The following PPP1R12A variants were observed in gnomAD, a reference collection of about 807,000 sequenced individuals.
The protein encoded by PPP1R12A is protein phosphatase 1 regulatory subunit 12A, also known as myosin binding subunit.
A neutral mutation model predicts 139.6 loss-of-function variants in PPP1R12A; 19 were observed. The observed-to-expected ratio is 0.14, with a 90% CI of 0.09 to 0.20. The LOEUF (loss-of-function observed/expected upper bound fraction) is 0.20, where lower values mean the gene tolerates loss of function less well. Ranked by LOEUF, PPP1R12A falls within the 10% of genes least tolerant of loss-of-function variation. The probability of loss-of-function intolerance (pLI) is 1.00; values close to 1 mark genes in which losing one functional copy is unlikely to be tolerated. For missense variants in PPP1R12A, 925 were observed against 1,211.5 expected (o/e 0.76, Z 3.51); for synonymous variants, 427 against 420.6 (o/e 1.02, Z -0.19).
At chr12:79,874,573 T>C (rs1882919204) in intron 1 of PPP1R12A, among the ~76,000 whole-genome samples, 1 of 152,028 alleles carries the variant, frequency 6.6e-6, no homozygotes, top group South Asian at 2.1e-4. Context: ...GGTTTTAAAC[T>C]CTAAGACTAT....
intron 14 of PPP1R12A, among the ~76,000 whole-genome samples, chr12:79,800,811 G>A (rs1256197836): frequency 6.7e-6 from 1 of 149,196 alleles, no homozygotes; most frequent in Non-Finnish European, 1.5e-5. Flanking sequence ...TTGGCTCACT[G>A]CAAGCTTTGC....
intron 1 of PPP1R12A, among the ~76,000 whole-genome samples, chr12:79,917,182 T>G (rs1887061005): frequency 6.6e-6 from 1 of 152,118 alleles, no homozygotes; most frequent in Non-Finnish European, 1.5e-5. Flanking sequence ...AAAGATGCCA[T>G]GTTATACAGA....
chr12:79,882,670 G>A (rs1883744947), intron 1 of PPP1R12A, among the ~76,000 whole-genome samples: 1 of 152,182 alleles, frequency 6.6e-6, no homozygotes, highest in Non-Finnish European at 1.5e-5. Context: ...AATTCTGAAA[G>A]AAGTTCTACT....
At chr12:79,867,384 G>T (rs1882087148) in intron 2 of PPP1R12A, among the ~76,000 whole-genome samples, 1 of 152,106 alleles carries the variant, frequency 6.6e-6, no homozygotes, top group African/African-American at 2.4e-5. Context: ...GGGTTGATGG[G>T]TGTGGCACAC....
intron 9 of PPP1R12A, among the ~76,000 whole-genome samples, chr12:79,816,193 AC>A (rs1446281339): frequency 2.0e-5 from 3 of 152,166 alleles, no homozygotes; most frequent in Non-Finnish European, 4.4e-5. Context: ...ATCCAAGTGG[AC>A]CCCTGATTTT....
At chr12:79,880,542 G>A (rs1883540994) in intron 1 of PPP1R12A, among the ~76,000 whole-genome samples, 1 of 152,146 alleles carries the variant, frequency 6.6e-6, no homozygotes. Context: ...AACAGAATCT[G>A]CTATGTTCCC....
At chr12:79,837,049 C>T (rs1038693479) in intron 3 of PPP1R12A, among the ~76,000 whole-genome samples, 2 of 152,124 alleles carry the variant, frequency 1.3e-5, no homozygotes, top group Non-Finnish European at 2.9e-5. Context: ...TGTTAATTAT[C>T]ATTATCAGTT....
intron 1 of PPP1R12A, among the ~76,000 whole-genome samples, chr12:79,880,483 T>C (rs1005955780): frequency 1.3e-5 from 2 of 152,230 alleles, no homozygotes; most frequent in Non-Finnish European, 2.9e-5. Context: ...ATGCAAAGAC[T>C]GTAGTTGTAC....
intron 1 of PPP1R12A, among the ~76,000 whole-genome samples, chr12:79,929,049 A>T (rs1386886162): frequency 6.6e-6 from 1 of 152,174 alleles, no homozygotes; most frequent in Non-Finnish European, 1.5e-5. Flanking sequence ...TGTGAATGAC[A>T]ATTTTTCCAC....
At chr12:79,912,390 T>C (rs953739377) in intron 1 of PPP1R12A, among the ~76,000 whole-genome samples, 1 of 152,312 alleles carries the variant, frequency 6.6e-6, no homozygotes, top group African/African-American at 2.4e-5. Context: ...AGGCAAACAT[T>C]TTTTAAATTA....
At chr12:79,935,199 G>A (rs984239940), upstream of PPP1R12A, 4 of 1,314,186 alleles carry the variant, frequency 3.0e-6, no homozygotes, top group Admixed American at 1.6e-4. Context: ...ACGTAACTTC[G>A]CGAGATCCGG....
At chr12:79,899,935 G>T (rs982066924) in intron 1 of PPP1R12A, among the ~76,000 whole-genome samples, 4 of 151,634 alleles carry the variant, frequency 2.6e-5, no homozygotes, top group African/African-American at 9.7e-5. Flanking sequence ...CCCCTTTTTT[G>T]AATACAATAG....
Position 79,776,026 on chromosome 12 carries a change from A to G in PPP1R12A, c.3007-11T>C. The G allele has an allele frequency of 2.6e-6, 4 of 1,528,274 alleles. No homozygotes were observed. Among genetic ancestry groups the G allele is most frequent in the Non-Finnish European group, 3.5e-6 (4 of 1,127,108 alleles). 94.7% of individuals were successfully genotyped at this position (1,528,274 alleles called of 1,614,324 possible). On this transcript the variant is annotated splice_polypyrimidine_tract_variant and intron_variant, in intron 24 of 24. Coordinates refer to ENST00000450142, the MANE Select transcript of PPP1R12A (RefSeq NM_002480.3). ...TAGGTCTGGTAACATCTATAAAGAG[A>G]AAAATTGAAGATCAAGTTTTACCTT...
At position 79,892,243 on chromosome 12, in the gene PPP1R12A, T is replaced by C. The variant is rs144720979; in HGVS notation, c.238-19305A>G. On this transcript the variant is annotated intron_variant, in intron 1 of 24. Coordinates refer to ENST00000450142, the MANE Select transcript of PPP1R12A (RefSeq NM_002480.3). ...TAAGAGTTACCTAAACTTAGTCCTC[T>C]CTCTCCACTTGCACAAATTCAAAGC... 6.1e-4 allele frequency among the ~76,000 whole-genome samples: 93 copies of C among 152,302 alleles called. No homozygotes were observed. The East Asian group carries it at 0.018, about 29-fold the overall frequency.
At chr12:79,848,764 AAAT>A (rs1217603610) in intron 2 of PPP1R12A, 4 of 152,264 alleles carry the variant, frequency 2.6e-5, no homozygotes, top group African/African-American at 9.6e-5. Context: ...AAATAATAAT[AAAT>A]AATAATAAAC....
At chr12:79,882,889 A>C (rs1392179748) in intron 1 of PPP1R12A, among the ~76,000 whole-genome samples, 1 of 152,196 alleles carries the variant, frequency 6.6e-6, no homozygotes, top group Non-Finnish European at 1.5e-5. Flanking sequence ...CTGTAATCCT[A>C]GCACTTTGGG....
chr12:79,898,997 A>G (rs1189747696), intron 1 of PPP1R12A, among the ~76,000 whole-genome samples: 3 of 152,114 alleles, frequency 2.0e-5, no homozygotes, highest in Non-Finnish European at 4.4e-5. Context: ...GTGAACACCT[A>G]TATAATCACC....
At chr12:79,869,934 T>TATA (rs1555226754) in intron 2 of PPP1R12A, among the ~76,000 whole-genome samples, 1 of 150,100 alleles carries the variant, frequency 6.7e-6, no homozygotes, top group Non-Finnish European at 1.5e-5. Flanking sequence ...TTATTATTAT[T>TATA]ATAAGTGCTT....
At chr12:79,829,151 A>T (rs1427737400) in intron 4 of PPP1R12A, among the ~76,000 whole-genome samples, 1 of 152,156 alleles carries the variant, frequency 6.6e-6, no homozygotes, top group African/African-American at 2.4e-5. Context: ...ATGCCCTTCT[A>T]ACTACATATT....
Sources: allele counts gnomAD v4.1 joint callset (sites outside exome capture counted in the v4.1 genomes callset), GRCh38; gene constraint gnomAD v4.1.1; transcripts MANE v1.5; gene names NCBI Gene and HGNC (gene_info 2026-07-23, HGNC 2026-07-21).